CDK5RAP2: variants seen among roughly 807,000 people sequenced by gnomAD.
CDK5RAP2 encodes the protein CDK5 regulatory subunit-associated protein 2.
Under a neutral mutation model 232.9 loss-of-function variants are expected in CDK5RAP2, and 147 were observed. The observed-to-expected ratio is 0.63, with a 90% CI of 0.55 to 0.72. The LOEUF (loss-of-function observed/expected upper bound fraction) is 0.72, where lower values mean the gene tolerates loss of function less well. CDK5RAP2 is among the 30% of genes least tolerant of loss of function. The probability of loss-of-function intolerance (pLI) is 0.00; values close to 1 mark genes in which losing one functional copy is unlikely to be tolerated. For missense variants in CDK5RAP2, 2,195 were observed against 2,231.5 expected (o/e 0.98, Z 0.33); for synonymous variants, 833 against 833.7 (o/e 1.00, Z 0.01).
Position 120,422,751 on chromosome 9 carries a change from G to GA in CDK5RAP2, c.3956-11dup. Reference sequence around the variant, plus strand: ...ACTCCAACTGATTTTCCTGGAAGCAGAAATAACATCAAGAAAGGAGGAGAA... The same window carrying GA: ...ACTCCAACTGATTTTCCTGGAAGCAGAAAATAACATCAAGAAAGGAGGAGAA... On this transcript the variant is annotated splice_polypyrimidine_tract_variant and intron_variant, in intron 25 of 37. Coordinates refer to ENST00000349780, the MANE Select transcript of CDK5RAP2 (RefSeq NM_018249.6). 6.2e-7 allele frequency: 1 copy of GA among 1,608,656 alleles called. No homozygotes were observed. The highest frequency in any genetic ancestry group is 8.5e-7 in the Non-Finnish European group (1 of 1,175,156).
chr9:120,570,743 G>A (rs780786086), intron 2 of CDK5RAP2, among the ~76,000 whole-genome samples: 68 of 152,164 alleles, frequency 4.5e-4, no homozygotes, highest in Non-Finnish European at 8.5e-4. Flanking sequence ...GGAGGCTGAG[G>A]CAGAAGAATT....
chr9:120,402,302 T>TA (rs891679398), intron 34 of CDK5RAP2, among the ~76,000 whole-genome samples: 9 of 151,232 alleles, frequency 6.0e-5, no homozygotes, highest in Non-Finnish European at 8.9e-5. Flanking sequence ...TGTCTCAAAA[T>TA]AAAAAAAACA....
chr9:120,437,238 A>G, intron 25 of CDK5RAP2, 57 bp downstream of exon 25: 1 of 1,285,392 alleles, frequency 7.8e-7, no homozygotes, highest in Non-Finnish European at 1.1e-6. Flanking sequence ...GTGCCCCTCC[A>G]AGAAGTCCTG....
At chr9:120,462,254 G>A (rs1189368980) in intron 18 of CDK5RAP2, among the ~76,000 whole-genome samples, 1 of 152,144 alleles carries the variant, frequency 6.6e-6, no homozygotes, top group African/African-American at 2.4e-5. Flanking sequence ...ATAAATATGG[G>A]TAAGGAACCC....
rs114385062 is a variant in CDK5RAP2, at chr9:120,528,883, G to A, written c.826-86C>T. On this transcript the variant is annotated intron_variant, in intron 8 of 37. Coordinates refer to ENST00000349780, the MANE Select transcript of CDK5RAP2 (RefSeq NM_018249.6). ...CAATTAGAATGAGCACGTCCTTGTC[G>A]CTTACTCACCTTCCCCCACTACTGT... 2.4e-3 allele frequency: 2,219 copies of A among 930,076 alleles called. 33 individuals carry two copies. The African/African-American group carries it at 0.03, about 13-fold the overall frequency. 57.6% of individuals were successfully genotyped at this position (930,076 alleles called of 1,614,324 possible). A position where few individuals can be genotyped will look rare whatever the true frequency, so the allele number is the denominator to read the frequency against.
intron 1 of CDK5RAP2, 137 bp from the exon 2 acceptor site, chr9:120,572,178 G>A: frequency 1.4e-6 from 1 of 730,984 alleles, no homozygotes; most frequent in Non-Finnish European, 2.5e-6. Flanking sequence ...GTGGCATGAA[G>A]CACAGAGGTT....
At chr9:120,422,611 A>G in intron 26 of CDK5RAP2, 82 bp downstream of exon 26, 3 of 1,057,186 alleles carry the variant, frequency 2.8e-6, no homozygotes, top group Non-Finnish European at 4.5e-6. Context: ...AATGGGAAGG[A>G]GCCAAAATAT....
chr9:120,561,471 A>AT (rs979141483), intron 3 of CDK5RAP2, among the ~76,000 whole-genome samples: 3 of 151,116 alleles, frequency 2.0e-5, no homozygotes, highest in South Asian at 2.1e-4. Flanking sequence ...TAACTTTTTA[A>AT]TTTTTTTTTG....
intron 11 of CDK5RAP2, among the ~76,000 whole-genome samples, chr9:120,524,140 A>G (rs998678401): frequency 2.0e-5 from 3 of 152,354 alleles, no homozygotes; most frequent in Admixed American, 6.5e-5. Flanking sequence ...AGTTTAAAAA[A>G]AAGGATATTA....
At chr9:120,502,941 C>T (rs912520104) in intron 12 of CDK5RAP2, among the ~76,000 whole-genome samples, 1 of 152,174 alleles carries the variant, frequency 6.6e-6, no homozygotes, top group Non-Finnish European at 1.5e-5. Flanking sequence ...ACATCTCAAA[C>T]CCTAATGACT....
chr9:120,440,456 C>G (rs1207680819), intron 23 of CDK5RAP2: 1 of 191,110 alleles, frequency 5.2e-6, no homozygotes, highest in Non-Finnish European at 1.1e-5. Flanking sequence ...CACCTTCAGC[C>G]CTCTATTCTA....
intron 21 of CDK5RAP2, among the ~76,000 whole-genome samples, chr9:120,451,077 G>A (rs2036455830): frequency 6.6e-6 from 1 of 152,210 alleles, no homozygotes; most frequent in Non-Finnish European, 1.5e-5. Context: ...TCATATGGCA[G>A]CAGAAAACAT....
At chr9:120,561,985 GGGCAA>G (rs1253707050) in intron 3 of CDK5RAP2, among the ~76,000 whole-genome samples, 1 of 152,156 alleles carries the variant, frequency 6.6e-6, no homozygotes, top group African/African-American at 2.4e-5. Flanking sequence ...ATAAGCTCAT[GGGCAA>G]GTTGTTTAAT....
chr9:120,550,685 A>G, intron 4 of CDK5RAP2, 107 bp downstream of exon 4: 1 of 775,222 alleles, frequency 1.3e-6, no homozygotes, highest in South Asian at 1.4e-5. Flanking sequence ...ATTAAATGAA[A>G]GCATCTCTAT....
intron 35 of CDK5RAP2, among the ~76,000 whole-genome samples, chr9:120,395,226 C>T (rs991198988): frequency 4.6e-5 from 7 of 152,334 alleles, no homozygotes; most frequent in South Asian, 4.1e-4. Context: ...TGAATATAAA[C>T]GCCCACATCC....
intron 24 of CDK5RAP2, 47 bp from the exon 25 acceptor site, chr9:120,437,574 A>G: frequency 7.0e-7 from 1 of 1,421,676 alleles, no homozygotes; most frequent in Non-Finnish European, 1.0e-6. Flanking sequence ...TTAGAATTGA[A>G]TTTTTGTGAC....
intron 14 of CDK5RAP2, among the ~76,000 whole-genome samples, chr9:120,481,907 C>A (rs2038339300): frequency 6.6e-6 from 1 of 152,190 alleles, no homozygotes; most frequent in Non-Finnish European, 1.5e-5. Flanking sequence ...AGACAAAGTT[C>A]TCAGAATGAT....
At chr9:120,420,505 C>T (rs1247181829) in intron 26 of CDK5RAP2, among the ~76,000 whole-genome samples, 2 of 152,034 alleles carry the variant, frequency 1.3e-5, no homozygotes, top group Non-Finnish European at 2.9e-5. Context: ...TCAAAACTCT[C>T]ATGGTTCCCA....
At chr9:120,492,481 T>G (rs559376303) in intron 12 of CDK5RAP2, among the ~76,000 whole-genome samples, 104 of 152,338 alleles carry the variant, frequency 6.8e-4, no homozygotes, top group Non-Finnish European at 1.1e-3. Context: ...AAAACTCATT[T>G]TACAGATGTG....
Sources: gnomAD v4.1 joint callset for allele counts (sites outside exome capture counted in the v4.1 genomes callset) on GRCh38, gnomAD v4.1.1 for gene constraint, MANE v1.5 for transcripts, NCBI Gene and HGNC (gene_info 2026-07-23, HGNC 2026-07-21) for gene names.